The following ZNF236 variants were observed in gnomAD, a reference collection of about 807,000 sequenced individuals.
ZNF236 encodes regulated by glucose.
A neutral mutation model predicts 191.2 loss-of-function variants in ZNF236; 50 were observed. The ratio of observed to expected loss-of-function variants is 0.26; its 90% CI spans 0.21 to 0.33. The LOEUF is 0.33. Ranked by LOEUF, ZNF236 falls within the 10% of genes least tolerant of loss-of-function variation. The pLI is 1.00. For synonymous variants in ZNF236, 907 were observed against 928.8 expected (o/e 0.98, Z 0.43); for missense variants, 1,754 against 2,374.5 (o/e 0.74, Z 5.43).
rs751286216 is a variant in ZNF236, at chr18:76,851,804, A to G, written c.228A>G (p.Thr76=). ...KPHRCDQCPQ[T]FNVEFNLTLH... Reference sequence around the variant, plus strand: ...ATCGATGTGACCAGTGCCCCCAAACATTTAATGTTGAATTCAACCTGACAC... The same window carrying G: ...ATCGATGTGACCAGTGCCCCCAAACGTTTAATGTTGAATTCAACCTGACAC... The change falls in exon 3 of 31, where the codon ACA becomes ACG. Residue 76 remains threonine, a synonymous_variant. Coordinates refer to ENST00000320610, the MANE Select transcript of ZNF236 (RefSeq NM_001306089.2). 3 of 1,613,914 alleles carry G rather than the reference A, an allele frequency of 1.9e-6. No homozygotes were observed. The East Asian group carries it at 6.7e-5, about 36-fold the overall frequency.
At chr18:76,903,308 C>G (rs999471729) in intron 11 of ZNF236, among the ~76,000 whole-genome samples, 1 of 152,022 alleles carries the variant, frequency 6.6e-6, no homozygotes, top group East Asian at 1.9e-4. Flanking sequence ...TGGCAAATGC[C>G]GAGTACAGGA....
intron 5 of ZNF236, among the ~76,000 whole-genome samples, chr18:76,872,932 A>G (rs1461422194): frequency 1.3e-5 from 2 of 151,746 alleles, no homozygotes; most frequent in Non-Finnish European, 2.9e-5. Flanking sequence ...TTTATTTTTC[A>G]GAGTTTTAGT....
intron 3 of ZNF236, among the ~76,000 whole-genome samples, chr18:76,860,803 C>A: frequency 6.6e-6 from 1 of 152,306 alleles, no homozygotes; most frequent in Middle Eastern, 3.4e-3. Flanking sequence ...TTTCTGAAAT[C>A]GCTTGACTTT....
In ZNF236 at chr18:76,927,685, G is replaced by A. The variant is rs1237326050; in HGVS notation, c.4414+168G>A. ...AAGCTTTTCTTACAATTAATGATAT[G>A]TATTTAATATATGCTCTTAGATTAT... On this transcript the variant is annotated intron_variant, in intron 24 of 30. Coordinates refer to ENST00000320610, the MANE Select transcript of ZNF236 (RefSeq NM_001306089.2). The surrounding 1 kb of genome is among the most constrained non-coding windows in gnomAD (Gnocchi z 5.4). Among the ~76,000 whole-genome samples the A allele has an allele frequency of 2.0e-5, 3 of 152,092 alleles. No homozygotes were observed. Among genetic ancestry groups the A allele is most frequent in the Non-Finnish European group, 4.4e-5 (3 of 68,020 alleles).
At chr18:76,921,714 G>A (rs1457138080) in intron 20 of ZNF236, among the ~76,000 whole-genome samples, 1 of 148,092 alleles carries the variant, frequency 6.8e-6, no homozygotes, top group Non-Finnish European at 1.5e-5. Context: ...GACTGTACCT[G>A]AAGACCAGAA....
chr18:76,967,813 C>T (rs764375717), intron 30 of ZNF236, among the ~76,000 whole-genome samples: 39 of 151,466 alleles, frequency 2.6e-4, no homozygotes, highest in Admixed American at 1.4e-3. Context: ...GTAGGGAACC[C>T]GAGGGCAGAA....
chr18:76,905,538 G>A, intron 13 of ZNF236, 123 bp downstream of exon 13: 5 of 775,494 alleles, frequency 6.4e-6, no homozygotes, highest in Non-Finnish European at 9.1e-6. Context: ...ATACTATATG[G>A]GCTCAAGAAA....
intron 25 of ZNF236, 91 bp downstream of exon 25, chr18:76,928,197 C>A: frequency 9.8e-7 from 1 of 1,021,356 alleles, no homozygotes; most frequent in South Asian, 2.3e-5. Context: ...CTCTGCTGTG[C>A]ATAAAGCCCG....
rs1968893421 is a variant in ZNF236, at chr18:76,970,586, T to G, written c.*2247T>G. 6.5e-6 allele frequency: 1 copy of G among 152,674 alleles called. No individual in the cohort carries two copies. Among genetic ancestry groups the G allele is most frequent in the Non-Finnish European group, 1.5e-5 (1 of 68,044 alleles). The allele number at this position is 152,674 out of a possible 1,614,324, so 9.5% of individuals were successfully genotyped here. Reference sequence around the variant, plus strand: ...CAGGTTGATCTTTATATTTTACTGGTTGTTTTAAAAATTCTAGAAAAGAGA... The same window carrying G: ...CAGGTTGATCTTTATATTTTACTGGGTGTTTTAAAAATTCTAGAAAAGAGA... On this transcript the variant is annotated 3_prime_UTR_variant, in exon 31 of 31. Transcript: ENST00000320610.
chr18:76,864,796 A>G (rs1003010894), intron 3 of ZNF236, among the ~76,000 whole-genome samples: 14 of 151,916 alleles, frequency 9.2e-5, no homozygotes, highest in African/African-American at 2.9e-4. Flanking sequence ...TAAAATGTCA[A>G]TGCCAGTAGA....
At chr18:76,839,752 A>C (rs1975426806) in intron 1 of ZNF236, among the ~76,000 whole-genome samples, 1 of 152,112 alleles carries the variant, frequency 6.6e-6, no homozygotes, top group Non-Finnish European at 1.5e-5. Flanking sequence ...GGCTCTCCAC[A>C]GTTCTCTGTG....
chr18:76,870,842 C>T (rs1356587510), intron 4 of ZNF236, among the ~76,000 whole-genome samples: 2 of 152,060 alleles, frequency 1.3e-5, no homozygotes, highest in East Asian at 1.9e-4. Flanking sequence ...GCCTGCCCGG[C>T]GGGGCTGCGG....
At chr18:76,835,773 A>G (rs1975306798) in intron 1 of ZNF236, among the ~76,000 whole-genome samples, 1 of 152,164 alleles carries the variant, frequency 6.6e-6, no homozygotes, top group Admixed American at 6.5e-5. Context: ...TTTTAAGTAC[A>G]TTTAAGGCCG....
At chr18:76,829,534 C>T (rs1440203348) in intron 1 of ZNF236, among the ~76,000 whole-genome samples, 1 of 152,114 alleles carries the variant, frequency 6.6e-6, no homozygotes, top group Non-Finnish European at 1.5e-5. Flanking sequence ...CGCCATGTTA[C>T]TCAAGCTGGT....
chr18:76,895,447 C>T lies in ZNF236; in HGVS notation c.1690+162C>T, dbSNP rs150116255. On this transcript the variant is annotated intron_variant, in intron 10 of 30. Transcript: ENST00000320610. ...ACAAAGTATCACACACAGTACTGCA[C>T]GTAAGTGTGGCCCGCAATGCAGCAC... is the stretch of plus-strand genomic sequence containing the variant. 8.6e-3 allele frequency: 8,934 copies of T among 1,039,362 alleles called. 158 individuals carry two copies. Among genetic ancestry groups the T allele is most frequent in the South Asian group, 0.053 (3,256 of 62,004 alleles). 64.4% of individuals were successfully genotyped at this position (1,039,362 alleles called of 1,614,324 possible).
chr18:76,908,599 T>C (rs1967124617), intron 14 of ZNF236, 26 bp downstream of exon 14: 1 of 1,580,916 alleles, frequency 6.3e-7, no homozygotes, highest in Non-Finnish European at 8.6e-7. Flanking sequence ...TATTTAACTT[T>C]GAGTGATCCC....
At chr18:76,946,701 C>T (rs1321344196) in intron 26 of ZNF236, among the ~76,000 whole-genome samples, 5 of 152,238 alleles carry the variant, frequency 3.3e-5, no homozygotes, top group African/African-American at 1.2e-4. Context: ...TCTTGTGCCC[C>T]ATACCACCCT....
chr18:76,947,539 C>T lies in ZNF236; in HGVS notation c.4801C>T (p.Leu1601Phe). ...TTGCCAGGGTCAGCAGTTCCCAGCGCTCCTCACGGATCCCTCTCTCTCGGG... is the reference window on the plus strand; with the variant it reads ...TTGCCAGGGTCAGCAGTTCCCAGCGTTCCTCACGGATCCCTCTCTCTCGGG... ...ITSQGQQFPA[L>F]LTDPSLSGQG... Residue 1601 changes from leucine to phenylalanine, a missense_variant, in exon 27 of 31, where the codon CTC becomes TTC. This residue lies in a region of ZNF236 where 606 missense variants were observed against 761.5 expected (regional missense o/e 0.80). Coordinates refer to ENST00000320610, the MANE Select transcript of ZNF236 (RefSeq NM_001306089.2). The T allele has an allele frequency of 3.1e-6, 5 of 1,614,008 alleles. No individual in the cohort carries two copies. Among genetic ancestry groups the T allele is most frequent in the Non-Finnish European group, 4.2e-6 (5 of 1,179,958 alleles).
intron 10 of ZNF236, 94 bp from the exon 11 acceptor site, chr18:76,898,925 A>G: frequency 2.8e-6 from 3 of 1,072,268 alleles, no homozygotes; most frequent in Non-Finnish European, 4.1e-6. Flanking sequence ...GAAGGTTCAA[A>G]TCAGTATTGG....
Sources: gnomAD v4.1 joint callset for allele counts (sites outside exome capture counted in the v4.1 genomes callset) on GRCh38, gnomAD v4.1.1 for gene constraint, gnomAD v4.1.1 regional missense constraint, Gnocchi (gnomAD v3.1) non-coding constraint, MANE v1.5 for transcripts, NCBI Gene and HGNC (gene_info 2026-07-23, HGNC 2026-07-21) for gene names.